The following ALG9 variants were observed in gnomAD, a reference collection of about 807,000 sequenced individuals.
ALG9 encodes ALG9 alpha-1,2-mannosyltransferase.
Under a neutral mutation model 81.8 loss-of-function variants are expected in ALG9, and 55 were observed. The observed-to-expected ratio is 0.67, with a 90% CI of 0.54 to 0.84. The LOEUF (loss-of-function observed/expected upper bound fraction) is 0.84, where lower values mean the gene tolerates loss of function less well. ALG9 is among the 40% of genes least tolerant of loss of function. The pLI is 0.00. For synonymous variants in ALG9, 278 were observed against 274.3 expected (o/e 1.01, Z -0.13); for missense variants, 629 against 745.0 (o/e 0.84, Z 1.81).
At chr11:111,825,573 C>A (rs1352478349) in intron 13 of ALG9, among the ~76,000 whole-genome samples, 1 of 152,192 alleles carries the variant, frequency 6.6e-6, no homozygotes, top group African/African-American at 2.4e-5. Context: ...TAATCAGCCT[C>A]TAAGACTCAA....
the ALG9 span, among the ~76,000 whole-genome samples, chr11:111,773,285 C>T: frequency 1.9e-3 from 293 of 152,096 alleles, no homozygotes; most frequent in Admixed American, 7.4e-3. Context: ...TGCTTTGTTG[C>T]CCAGGCTGTA....
intron 14 of ALG9, among the ~76,000 whole-genome samples, chr11:111,802,539 C>T (rs1949290190): frequency 6.6e-6 from 1 of 152,146 alleles, no homozygotes; most frequent in African/African-American, 2.4e-5. Context: ...AATGAGGTAT[C>T]TTACTGCAGT....
At chr11:111,778,047 CAG>C (rs1945744238), downstream of ALG9, 1 of 152,174 alleles carries the variant, frequency 6.6e-6, no homozygotes, top group South Asian at 2.1e-4. Context: ...GTCAAATAAA[CAG>C]AGCTACTTAT....
At chr11:111,869,811 GC>G (rs1367707766) in intron 2 of ALG9, among the ~76,000 whole-genome samples, 1 of 152,090 alleles carries the variant, frequency 6.6e-6, no homozygotes, top group East Asian at 1.9e-4. Flanking sequence ...GACATAATGA[GC>G]CCCCATCTCT....
intron 6 of ALG9, among the ~76,000 whole-genome samples, chr11:111,856,914 CT>C (rs1260214492): frequency 2.0e-5 from 3 of 152,126 alleles, no homozygotes. Flanking sequence ...CAAGACCAGC[CT>C]GACCAACATG....
intron 14 of ALG9, among the ~76,000 whole-genome samples, chr11:111,804,119 T>A (rs1222933395): frequency 4.8e-5 from 5 of 104,044 alleles, no homozygotes; most frequent in Admixed American, 1.3e-4. Context: ...TGTGACAGAG[T>A]AAGACTCCAT....
intron 13 of ALG9, among the ~76,000 whole-genome samples, chr11:111,820,056 A>G (rs998846900): frequency 6.6e-6 from 1 of 152,240 alleles, no homozygotes; most frequent in South Asian, 2.1e-4. Context: ...ATCACATCAT[A>G]TCGTAATAAA....
chr11:111,865,148 C>T, intron 4 of ALG9, 33 bp downstream of exon 4: 3 of 1,487,724 alleles, frequency 2.0e-6, no homozygotes, highest in Non-Finnish European at 1.8e-6. Context: ...GGTTTCCTCA[C>T]AGCACTTTTA....
At chr11:111,842,373 A>G (rs1956345811) in intron 9 of ALG9, among the ~76,000 whole-genome samples, 1 of 152,128 alleles carries the variant, frequency 6.6e-6, no homozygotes, top group African/African-American at 2.4e-5. Flanking sequence ...ATATGATGAA[A>G]TCAAGAGTAA....
intron 13 of ALG9, among the ~76,000 whole-genome samples, chr11:111,826,177 G>C (rs781929018): frequency 2.4e-4 from 36 of 150,640 alleles, no homozygotes; most frequent in Non-Finnish European, 7.4e-5. Flanking sequence ...CTTCAGTCTA[G>C]GAGTTTGAGA....
chr11:111,792,335 T>C, intron 14 of ALG9, among the ~76,000 whole-genome samples: 1 of 152,132 alleles, frequency 6.6e-6, no homozygotes, highest in Non-Finnish European at 1.5e-5. Flanking sequence ...GAAAAACAAA[T>C]GTTGGATGGA....
At chr11:111,827,910 G>A (rs1021711043) in intron 13 of ALG9, among the ~76,000 whole-genome samples, 1 of 142,404 alleles carries the variant, frequency 7.0e-6, no homozygotes, top group Non-Finnish European at 1.5e-5. Context: ...AGATGAGTCC[G>A]GACGTGGTGG....
At position 111,815,242 on chromosome 11, in the gene ALG9, A is replaced by T. The variant is rs933418225; in HGVS notation, c.1603-5469T>A. ...AGTGACAGCTCGTCTCTACAAAAAA[A>T]TTTTTTTTAAAAATTGGCTCAGTGT... On this transcript the variant is annotated intron_variant, in intron 13 of 14. Coordinates refer to ENST00000616540, the MANE Select transcript of ALG9 (RefSeq NM_024740.2). Among the ~76,000 whole-genome samples the T allele has an allele frequency of 9.9e-5, 15 of 152,160 alleles. No homozygotes were observed. The East Asian group carries it at 1.7e-3, about 18-fold the overall frequency.
chr11:111,852,657 C>T (rs1268630377), intron 8 of ALG9, among the ~76,000 whole-genome samples: 3 of 151,964 alleles, frequency 2.0e-5, no homozygotes, highest in African/African-American at 4.8e-5. Context: ...ATGTCTGGGC[C>T]GGGCACGGTG....
intron 13 of ALG9, among the ~76,000 whole-genome samples, chr11:111,833,328 G>A (rs1954702928): frequency 6.6e-6 from 1 of 152,120 alleles, no homozygotes; most frequent in African/African-American, 2.4e-5. Context: ...ATCTTGGCAT[G>A]TACCCCTGTA....
intron 9 of ALG9, among the ~76,000 whole-genome samples, chr11:111,843,679 A>G (rs1956551150): frequency 1.3e-5 from 2 of 152,236 alleles, no homozygotes; most frequent in Admixed American, 1.3e-4. Context: ...CTTCCATAAA[A>G]GAAATGAGAG....
At chr11:111,789,517 G>C (rs1455482878) in intron 14 of ALG9, among the ~76,000 whole-genome samples, 1 of 151,502 alleles carries the variant, frequency 6.6e-6, no homozygotes, top group African/African-American at 2.4e-5. Context: ...CAGGATTACA[G>C]GCATGAGCCA....
Position 111,840,667 on chromosome 11 carries a change from G to C in ALG9, c.1161C>G (p.Leu387=). ...CCCTGAAACTCACCTGAAGTGCAGA[G>C]AGAGCCACAGCGCCACAGAGACATA... ...PLICLCGAVA[L]SALQHSFLYF... Residue 387 remains leucine (L), a synonymous_variant, in exon 10 of 15, where the codon CTC becomes CTG. Transcript: ENST00000616540. 7 of 1,614,058 alleles carry C rather than the reference G, an allele frequency of 4.3e-6. No individual in the cohort carries two copies. Among genetic ancestry groups the C allele is most frequent in the East Asian group, 2.2e-5 (1 of 44,862 alleles).
intron 9 of ALG9, among the ~76,000 whole-genome samples, chr11:111,842,650 C>T (rs1555125077): frequency 6.6e-6 from 1 of 152,020 alleles, no homozygotes; most frequent in African/African-American, 2.4e-5. Flanking sequence ...TCTTGAACTC[C>T]TGGGTTCAAG....
Sources: allele counts gnomAD v4.1 joint callset (sites outside exome capture counted in the v4.1 genomes callset), GRCh38; gene constraint gnomAD v4.1.1; transcripts MANE v1.5; gene names NCBI Gene and HGNC (gene_info 2026-07-23, HGNC 2026-07-21).